CASP8: variants seen among roughly 807,000 people sequenced by gnomAD.
CASP8 encodes caspase-8.
A neutral mutation model predicts 46.3 loss-of-function variants in CASP8; 24 were observed. The observed-to-expected ratio is 0.52, with a 90% CI of 0.38 to 0.73. The LOEUF (loss-of-function observed/expected upper bound fraction) is 0.73. CASP8 is among the 30% of genes least tolerant of loss of function. The pLI is 0.00. For missense variants in CASP8, 460 were observed against 559.0 expected, an observed-to-expected ratio of 0.82 and a Z score of 1.79; for synonymous variants, 188 against 200.4, an observed-to-expected ratio of 0.94 and a Z score of 0.52.
At chr2:201,281,932 T>TATTATCTATCAATGTTATGC in intron 7 of CASP8, 2 of 531,234 alleles carry the variant, frequency 3.8e-6, no homozygotes, top group Middle Eastern at 5.8e-4. Flanking sequence ...TGGTTCAAAT[T>TATTATCTATCAATGTTATGC]CTTTTTTTTT....
At chr2:201,255,945 A>G (rs1004035661), upstream of CASP8, among the ~76,000 whole-genome samples, 1 of 152,138 alleles carries the variant, frequency 6.6e-6, no homozygotes, top group East Asian at 1.9e-4. Flanking sequence ...TTCTGCAGAG[A>G]CAGTGTCTCC....
intron 7 of CASP8, among the ~76,000 whole-genome samples, chr2:201,280,175 A>C (rs1190170594): frequency 6.6e-6 from 1 of 152,204 alleles, no homozygotes; most frequent in Non-Finnish European, 1.5e-5. Flanking sequence ...AAAATTAAAA[A>C]TTTGAGCACC....
At chr2:201,244,080 T>C (rs919372625) in intron 2 of CASP8, among the ~76,000 whole-genome samples, 4 of 152,200 alleles carry the variant, frequency 2.6e-5, no homozygotes, top group African/African-American at 9.6e-5. Flanking sequence ...ATCATGGACC[T>C]GAATGGGTTG....
At chr2:201,276,185 C>T (rs1948618758) in intron 6 of CASP8, among the ~76,000 whole-genome samples, 1 of 152,162 alleles carries the variant, frequency 6.6e-6, no homozygotes, top group Non-Finnish European at 1.5e-5. Flanking sequence ...AGCGCCATCC[C>T]TGGCCAGTAC....
At chr2:201,262,353 CATTT>C (rs1427371914) in intron 1 of CASP8, 6 of 151,418 alleles carry the variant, frequency 4.0e-5, no homozygotes, top group South Asian at 4.2e-4. Flanking sequence ...ATTTATATAT[CATTT>C]ATTTATATGA....
Position 201,244,340 on chromosome 2 carries a change from A to C in CASP8, c.-27+10228A>C, listed in dbSNP as rs138688433. Among the ~76,000 whole-genome samples, 264 of 152,374 alleles carry C rather than the reference A, an allele frequency of 1.7e-3. 1 individual carries two copies. The highest frequency in any genetic ancestry group is 5.7e-3 in the African/African-American group (237 of 41,592). On this transcript the variant is annotated intron_variant, in intron 2 of 6. Transcript: ENST00000264274. Reference sequence around the variant, plus strand: ...CACTGGGGAACTGCCTGGGACAGGCATATCAATGAATTTAGTGACTTGGAA... The same window carrying C: ...CACTGGGGAACTGCCTGGGACAGGCCTATCAATGAATTTAGTGACTTGGAA...
At chr2:201,234,188 C>A (rs1945942699) in intron 2 of CASP8, 1 of 152,462 alleles carries the variant, frequency 6.6e-6, no homozygotes, top group Non-Finnish European at 1.5e-5. Flanking sequence ...TATCTAGACA[C>A]CAGTGGGCCG....
chr2:201,258,146 T>C (rs1947116649), upstream of CASP8: 1 of 1,499,916 alleles, frequency 6.7e-7, no homozygotes, highest in Non-Finnish European at 9.3e-7. Flanking sequence ...GAGGGAAGTG[T>C]TTTCACAGGT....
chr2:201,246,832 G>A lies in CASP8; in HGVS notation c.-27+12720G>A, dbSNP rs542129711. Among the ~76,000 whole-genome samples the A allele has an allele frequency of 7.9e-5, 12 of 152,210 alleles. No homozygotes were observed. The South Asian group carries it at 2.5e-3, about 32-fold the overall frequency. On this transcript the variant is annotated intron_variant, in intron 2 of 6. Coordinates refer to the CASP8 transcript ENST00000264274. The stretch of plus-strand genomic sequence containing the variant: ...TTCATTTGACTTTCATTGTTTTTTG[G>A]AATTTTGGGGGGCCAGGGAGGAGCA...
chr2:201,265,406 C>T (rs1419997379), intron 1 of CASP8, among the ~76,000 whole-genome samples: 2 of 151,476 alleles, frequency 1.3e-5, no homozygotes, highest in Admixed American at 6.6e-5. Context: ...AACTAAATAC[C>T]GTATGTTCTC....
At chr2:201,263,201 C>G (rs1003522319) in intron 1 of CASP8, among the ~76,000 whole-genome samples, 1 of 152,098 alleles carries the variant, frequency 6.6e-6, no homozygotes, top group Non-Finnish European at 1.5e-5. Flanking sequence ...ACAAGAGCCT[C>G]AAAAAGGTTT....
intron 2 of CASP8, chr2:201,241,265 A>T (rs1338371139): frequency 6.6e-6 from 1 of 152,204 alleles, no homozygotes; most frequent in Non-Finnish European, 1.5e-5. Flanking sequence ...AAAGAATAAC[A>T]AAAGAATTGG....
intron 7 of CASP8, among the ~76,000 whole-genome samples, chr2:201,278,599 T>C (rs1251518571): frequency 2.0e-5 from 3 of 151,872 alleles, no homozygotes; most frequent in East Asian, 1.9e-4. Flanking sequence ...TGCAATAACA[T>C]GATCTTGGCT....
chr2:201,238,104 A>G (rs1169326070), intron 2 of CASP8, among the ~76,000 whole-genome samples: 2 of 152,190 alleles, frequency 1.3e-5, no homozygotes, highest in African/African-American at 2.4e-5. Context: ...CACACTTTGG[A>G]GATATCAAAG....
At chr2:201,243,908 G>A (rs1467584704) in intron 2 of CASP8, among the ~76,000 whole-genome samples, 6 of 152,164 alleles carry the variant, frequency 3.9e-5, no homozygotes, top group African/African-American at 9.7e-5. Context: ...GTGAAGGGTC[G>A]GGGGGCAGCA....
Position 201,285,318 on chromosome 2 carries a change from G to T in CASP8, c.1304+1G>T, listed in dbSNP as rs1329125753. 6.2e-7 allele frequency: 1 copy of T among 1,612,968 alleles called. No homozygotes were observed. The highest frequency in any genetic ancestry group is 8.5e-7 in the Non-Finnish European group (1 of 1,179,974). On this transcript the variant is annotated splice_donor_variant, in intron 8 of 8. Transcript: ENST00000673742. LOFTEE classifies it high-confidence loss of function. ...AGAGCCTGAGAGAGCGATGTCCTCG[G>T]TAAGTTTTGCCTACTCAGCCCTCCT...
chr2:201,260,512 G>T (rs1333510577), upstream of CASP8: 1 of 984,888 alleles, frequency 1.0e-6, no homozygotes, highest in Non-Finnish European at 1.2e-6. Flanking sequence ...AGAGCTGGCT[G>T]GCTGTGCCCT....
chr2:201,249,686 C>T lies in CASP8; in HGVS notation c.-27+15574C>T, dbSNP rs35220879. Among the ~76,000 whole-genome samples, 358 of 152,278 alleles carry T rather than the reference C, an allele frequency of 2.4e-3. 1 individual carries two copies. Among genetic ancestry groups the T allele is most frequent in the African/African-American group, 8.3e-3 (345 of 41,564 alleles). ...GTTGCAGTGAGTTGAGATCACACCACTGCACTCTAGCCTAGGTGACAGAGA... is the reference window on the plus strand; with the variant it reads ...GTTGCAGTGAGTTGAGATCACACCATTGCACTCTAGCCTAGGTGACAGAGA... On this transcript the variant is annotated intron_variant, in intron 2 of 6. Transcript: ENST00000264274.
At chr2:201,273,009 C>A in intron 5 of CASP8, 67 bp downstream of exon 5, 1 of 1,340,916 alleles carries the variant, frequency 7.5e-7, no homozygotes, top group South Asian at 1.2e-5. Context: ...TGTGTCCTCC[C>A]CACAGCCTTC....
Sources: allele counts gnomAD v4.1 joint callset (sites outside exome capture counted in the v4.1 genomes callset), GRCh38; gene constraint gnomAD v4.1.1; transcripts MANE v1.5; gene names NCBI Gene and HGNC (gene_info 2026-07-23, HGNC 2026-07-21).